The following COG7 variants were observed in gnomAD, a reference collection of about 807,000 sequenced individuals.
The protein encoded by COG7 is conserved oligomeric Golgi complex subunit 7.
Under a neutral mutation model 91.5 loss-of-function variants are expected in COG7, and 49 were observed. The ratio of observed to expected loss-of-function variants is 0.54; its 90% CI spans 0.43 to 0.68. The LOEUF (loss-of-function observed/expected upper bound fraction) is 0.68. Among genes scored for constraint, COG7 ranks in the 30% least tolerant of loss-of-function variants. The pLI, the probability that COG7 is intolerant of heterozygous loss-of-function variation, is 0.00. For synonymous variants in COG7, 365 were observed against 388.7 expected (o/e 0.94, Z 0.72); for missense variants, 895 against 961.3 (o/e 0.93, Z 0.91).
intron 7 of COG7, among the ~76,000 whole-genome samples, chr16:23,421,631 C>T (rs1000431322): frequency 1.3e-5 from 2 of 151,688 alleles, no homozygotes; most frequent in African/African-American, 4.8e-5. Context: ...TGTCTAAGAA[C>T]CTGGCAATGA....
At chr16:23,409,088 T>TGTGTGCGTGTGTGCGC (rs567307217) in intron 11 of COG7, among the ~76,000 whole-genome samples, 2 of 147,806 alleles carry the variant, frequency 1.4e-5, no homozygotes, top group Admixed American at 1.3e-4. Context: ...TGTGTGTGTG[T>TGTGTGCGTGTGTGCGC]GCGTGCATGT....
Position 23,442,512 on chromosome 16 carries a change from G to T in COG7, c.569C>A (p.Pro190Gln), listed in dbSNP as rs771313738. 6.2e-7 allele frequency: 1 copy of T among 1,614,076 alleles called. No homozygotes were observed. Among genetic ancestry groups the T allele is most frequent in the Non-Finnish European group, 8.5e-7 (1 of 1,180,036 alleles). ...AGAGGTGAATGCCGCTACAATCTGTGGACTGGCTAGGGCCTCCAGCCTGTT... is the reference window on the plus strand; with the variant it reads ...AGAGGTGAATGCCGCTACAATCTGTTGACTGGCTAGGGCCTCCAGCCTGTT... ...LKNRLEALAS[P>Q]QIVAAFTSQA... The change falls in exon 4 of 17, where the codon CCA (proline) becomes CAA (glutamine). Residue 190 changes from proline (P) to glutamine (Q), a missense_variant. By Grantham distance (76) the Pro-to-Gln change is moderately conservative. Transcript: ENST00000307149.
At chr16:23,419,748 CAAAAAAAAAAA>C (rs60636268) in intron 7 of COG7, among the ~76,000 whole-genome samples, 1 of 55,252 alleles carries the variant, frequency 1.8e-5, no homozygotes, top group African/African-American at 6.4e-5. Context: ...GACTTCATCT[CAAAAAAAAAAA>C]AAAAAAAAGA....
chr16:23,425,013 A>C, intron 6 of COG7, 66 bp from the exon 7 acceptor site: 1 of 1,463,878 alleles, frequency 6.8e-7, no homozygotes, highest in Non-Finnish European at 9.4e-7. Context: ...CCTTTTTTAA[A>C]AAACTTTTTT....
Position 23,393,255 on chromosome 16 carries a change from C to T in COG7, c.1980G>A (p.Lys660=). The T allele has an allele frequency of 6.2e-7, 1 of 1,613,866 alleles. No homozygotes were observed. ...SALELALHAG[K]LPFPPEQGDE... ...TACCCTGCTCAGGAGGAAATGGCAG[C>T]TTTCCAGCGTGCAATGCCAACTCTA... The change falls in exon 15 of 17, where the codon AAG becomes AAA. Residue 660 remains lysine, a synonymous_variant. Coordinates refer to ENST00000307149, the MANE Select transcript of COG7 (RefSeq NM_153603.4).
intron 8 of COG7, 35 bp downstream of exon 8, chr16:23,418,665 G>C (rs1372399729): frequency 7.5e-6 from 12 of 1,609,950 alleles, no homozygotes; most frequent in Middle Eastern, 2.1e-4. Context: ...CTAACAGAAT[G>C]CTTCCTCAGT....
At position 23,424,851 on chromosome 16, in the gene COG7, C is replaced by G; in HGVS notation, c.907G>C (p.Glu303Gln). 6.2e-7 allele frequency: 1 copy of G among 1,614,224 alleles called. No homozygotes were observed. The highest frequency in any genetic ancestry group is 2.2e-5 in the East Asian group (1 of 44,884). The change falls in exon 7 of 17, where the codon GAG (glutamate) becomes CAG (glutamine). Residue 303 changes from glutamate (E) to glutamine (Q), a missense_variant. Physicochemically the swap from Glu to Gln is conservative, Grantham distance 29. Coordinates refer to ENST00000307149, the MANE Select transcript of COG7 (RefSeq NM_153603.4). ...SLPSCLSNGV[E>Q]RAGPEQELTR... ...AGCTCCTGCTCGGGCCCTGCCCTCT[C>G]CACGCCGTTGCTGAGGCAGGAGGGC...
At chr16:23,441,137 C>T (rs945836229) in intron 4 of COG7, among the ~76,000 whole-genome samples, 2 of 152,072 alleles carry the variant, frequency 1.3e-5, no homozygotes, top group Non-Finnish European at 2.9e-5. Context: ...AAAGGGCTGA[C>T]GCTGGGTCCT....
chr16:23,409,877 G>A (rs1055040124), intron 11 of COG7, among the ~76,000 whole-genome samples: 2 of 152,132 alleles, frequency 1.3e-5, no homozygotes, highest in South Asian at 2.1e-4. Flanking sequence ...AAGGCAGGCT[G>A]CCTAAGTTCA....
chr16:23,406,990 GT>G (rs1403423561), intron 11 of COG7, among the ~76,000 whole-genome samples: 1 of 152,142 alleles, frequency 6.6e-6, no homozygotes, highest in Non-Finnish European at 1.5e-5. Context: ...ATCTAAATAT[GT>G]ACAGAATTAC....
intron 13 of COG7, among the ~76,000 whole-genome samples, chr16:23,400,985 G>A (rs1283817784): frequency 6.6e-6 from 1 of 150,580 alleles, no homozygotes; most frequent in East Asian, 2.0e-4. Context: ...AAAAAGGGGG[G>A]GGGGAAAACA....
Position 23,428,348 on chromosome 16 carries a change from CAAAAAAT to C in COG7, c.811-3408_811-3402del, listed in dbSNP as rs1014832176. Among the ~76,000 whole-genome samples the C allele has an allele frequency of 1.1e-3, 159 of 150,454 alleles. 1 individual carries two copies. The Middle Eastern group carries it at 0.021, about 19-fold the overall frequency. On this transcript the variant is annotated intron_variant, in intron 6 of 16. Transcript: ENST00000307149. ...TGGGTGACAGAGCAAGACTCTGTCTCAAAAAATAAAAAATAAAAAATAAAAAAAACCT... is the reference window on the plus strand; with the variant it reads ...TGGGTGACAGAGCAAGACTCTGTCTCAAAAAATAAAAAATAAAAAAAACCT...
At chr16:23,443,583 C>T (rs757748221) in intron 3 of COG7, among the ~76,000 whole-genome samples, 1 of 151,062 alleles carries the variant, frequency 6.6e-6, no homozygotes, top group Non-Finnish European at 1.5e-5. Context: ...CCCAGCTACT[C>T]GGGAGGCTGA....
intron 4 of COG7, among the ~76,000 whole-genome samples, chr16:23,435,146 C>A (rs1182855592): frequency 6.6e-6 from 1 of 152,114 alleles, no homozygotes; most frequent in Non-Finnish European, 1.5e-5. Flanking sequence ...GGCGGATCAC[C>A]TGAGGTCAGG....
intron 10 of COG7, among the ~76,000 whole-genome samples, chr16:23,411,347 C>G (rs1199958540): frequency 6.6e-6 from 1 of 152,164 alleles, no homozygotes; most frequent in Non-Finnish European, 1.5e-5. Context: ...GCATCATCAC[C>G]AGGCTATCTA....
chr16:23,398,705 C>T lies in COG7; in HGVS notation c.1804-576G>A, dbSNP rs563064230. On this transcript the variant is annotated intron_variant, in intron 13 of 16. Coordinates refer to ENST00000307149, the MANE Select transcript of COG7 (RefSeq NM_153603.4). ...CTAAAGCTGCTGCTTTATTTCTCAC[C>T]ACCTTCTGGATCTGTTTCTCAACTC... Among the ~76,000 whole-genome samples, 4 of 152,290 alleles carry T rather than the reference C, an allele frequency of 2.6e-5. No individual in the cohort carries two copies. The East Asian group carries it at 7.7e-4, about 29-fold the overall frequency.
intron 4 of COG7, among the ~76,000 whole-genome samples, chr16:23,437,334 C>CCCCACT (rs1964027917): frequency 6.6e-6 from 1 of 152,108 alleles, no homozygotes; most frequent in East Asian, 1.9e-4. Context: ...ACCTCTCCAT[C>CCCCACT]CCCACTCCCA....
intron 14 of COG7, among the ~76,000 whole-genome samples, chr16:23,396,573 G>T (rs1220467526): frequency 6.6e-6 from 1 of 151,896 alleles, no homozygotes; most frequent in Non-Finnish European, 1.5e-5. Flanking sequence ...CAGCTACTCG[G>T]AAGGCTGTAG....
At chr16:23,389,200 T>C (rs1963147444) in intron 16 of COG7, 114 bp from the exon 17 acceptor site, 1 of 1,306,460 alleles carries the variant, frequency 7.7e-7, no homozygotes, top group African/African-American at 1.5e-5. Flanking sequence ...GCCAAGTCCC[T>C]AGATGTGGGG....
Sources: gnomAD v4.1 joint callset for allele counts (sites outside exome capture counted in the v4.1 genomes callset) on GRCh38, gnomAD v4.1.1 for gene constraint, MANE v1.5 for transcripts, NCBI Gene and HGNC (gene_info 2026-07-23, HGNC 2026-07-21) for gene names.